Variants in EBF1 observed in about 807,000 individuals in gnomAD.
EBF1 encodes the protein EBF transcription factor 1.
EBF1 carries 10 observed loss-of-function variants against 68.4 expected under a neutral mutation model. That is an observed-to-expected ratio of 0.15 (90% confidence interval 0.09 to 0.25). The LOEUF is 0.25. Ranked by LOEUF, EBF1 falls within the 10% of genes least tolerant of loss-of-function variation. The pLI, the probability that EBF1 is intolerant of heterozygous loss-of-function variation, is 1.00. For synonymous variants in EBF1, 298 were observed against 299.8 expected (o/e 0.99, Z 0.06); for missense variants, 509 against 794.4 (o/e 0.64, Z 4.32).
In EBF1 at chr5:158,822,250, TTGGATGGACGGATGGACGGA is replaced by T. The variant is rs1351049577; in HGVS notation, c.778+906_778+925del. Among the ~76,000 whole-genome samples the T allele has an allele frequency of 3.4e-5, 5 of 147,956 alleles. No homozygotes were observed. The East Asian group carries it at 6.0e-4, about 18-fold the overall frequency. The stretch of plus-strand genomic sequence containing the variant: ...CCAGCAGAGCCTCAGTCACTCATTC[TTGGATGGACGGATGGACGGA>T]TGGATGGATGGATGGATGGATGGAT... On this transcript the variant is annotated intron_variant, in intron 8 of 15. Coordinates refer to ENST00000313708, the MANE Select transcript of EBF1 (RefSeq NM_024007.5).
At chr5:158,837,774 T>C (rs539004952) in intron 7 of EBF1, among the ~76,000 whole-genome samples, 1 of 152,280 alleles carries the variant, frequency 6.6e-6, no homozygotes, top group East Asian at 1.9e-4. Flanking sequence ...GTTCCCAGTG[T>C]CATCAAAGTC....
chr5:158,812,098 A>G (rs1490570854), intron 8 of EBF1, among the ~76,000 whole-genome samples: 1 of 152,194 alleles, frequency 6.6e-6, no homozygotes, highest in Non-Finnish European at 1.5e-5. Flanking sequence ...GTGACAGTCT[A>G]CGTCATAATG....
intron 6 of EBF1, among the ~76,000 whole-genome samples, chr5:158,941,449 C>G (rs145282227): frequency 1.3e-5 from 2 of 152,156 alleles, no homozygotes; most frequent in Non-Finnish European, 2.9e-5. Context: ...TGTCCTCCTC[C>G]TAAACACACT....
At chr5:158,869,215 T>G (rs894754616) in intron 6 of EBF1, among the ~76,000 whole-genome samples, 4 of 152,128 alleles carry the variant, frequency 2.6e-5, no homozygotes, top group African/African-American at 9.7e-5. Context: ...TATAAAGATA[T>G]CAACCCAGGA....
At chr5:158,864,344 T>C (rs980561135) in intron 6 of EBF1, among the ~76,000 whole-genome samples, 6 of 152,198 alleles carry the variant, frequency 3.9e-5, no homozygotes, top group African/African-American at 1.4e-4. Context: ...CAAATAGTCT[T>C]GTCTTTCTTA....
intron 6 of EBF1, among the ~76,000 whole-genome samples, chr5:158,894,719 T>A (rs1241880772): frequency 6.6e-6 from 1 of 152,176 alleles, no homozygotes; most frequent in Non-Finnish European, 1.5e-5. Context: ...CCTGGACAGG[T>A]AATCCAACGT....
chr5:158,954,875 T>C (rs1202885603), intron 6 of EBF1, among the ~76,000 whole-genome samples: 2 of 152,196 alleles, frequency 1.3e-5, no homozygotes, highest in African/African-American at 4.8e-5. Context: ...CATTTTTCTC[T>C]AGGACTTACG....
intron 9 of EBF1, among the ~76,000 whole-genome samples, chr5:158,791,582 T>A (rs191452348): frequency 3.3e-5 from 5 of 152,066 alleles, no homozygotes; most frequent in African/African-American, 1.2e-4. Context: ...CATTGTACTT[T>A]TTTTTTTAAT....
At chr5:158,856,040 A>G (rs898052295) in intron 6 of EBF1, among the ~76,000 whole-genome samples, 9 of 152,242 alleles carry the variant, frequency 5.9e-5, no homozygotes, top group East Asian at 1.9e-4. Flanking sequence ...CAAAGTAGAG[A>G]GTCTTCAAAT....
At chr5:158,709,582 G>A (rs1473060800) in intron 14 of EBF1, among the ~76,000 whole-genome samples, 1 of 152,210 alleles carries the variant, frequency 6.6e-6, no homozygotes, top group Non-Finnish European at 1.5e-5. Context: ...ATTGGTCATA[G>A]GCAACAATTG....
intron 6 of EBF1, among the ~76,000 whole-genome samples, chr5:158,912,789 A>G (rs1329932082): frequency 6.6e-6 from 1 of 152,092 alleles, no homozygotes; most frequent in Non-Finnish European, 1.5e-5. Flanking sequence ...TTTATACATC[A>G]CTTGTATTCC....
chr5:158,986,735 T>C (rs1759167192), intron 6 of EBF1: 1 of 152,216 alleles, frequency 6.6e-6, no homozygotes, highest in East Asian at 1.9e-4. Flanking sequence ...CCTAAGAATT[T>C]AATCTCTATC....
chr5:158,757,465 C>T (rs1319130846), intron 10 of EBF1, among the ~76,000 whole-genome samples: 1 of 152,160 alleles, frequency 6.6e-6, no homozygotes, highest in Admixed American at 6.5e-5. Context: ...GGATTATGCA[C>T]ATCTTTGCAC....
At chr5:158,897,578 T>TA (rs897018920) in intron 6 of EBF1, among the ~76,000 whole-genome samples, 1,816 of 147,284 alleles carry the variant, frequency 0.012, 16 homozygotes, top group Non-Finnish European at 0.02. Context: ...ACTTAAACGT[T>TA]AAAAAAAAAA....
intron 6 of EBF1, among the ~76,000 whole-genome samples, chr5:159,029,273 T>G (rs764065453): frequency 1.3e-5 from 2 of 152,200 alleles, no homozygotes; most frequent in Non-Finnish European, 2.9e-5. Flanking sequence ...GGCAAAGATT[T>G]GAATAAGTGG....
intron 6 of EBF1, among the ~76,000 whole-genome samples, chr5:158,958,229 T>C (rs1029923829): frequency 3.3e-5 from 5 of 152,118 alleles, no homozygotes; most frequent in Non-Finnish European, 5.9e-5. Context: ...GGATCCTCTT[T>C]TACAATAGAA....
intron 6 of EBF1, among the ~76,000 whole-genome samples, chr5:159,069,813 C>T (rs151024204): frequency 1.3e-3 from 202 of 152,142 alleles, no homozygotes; most frequent in African/African-American, 4.5e-3. Context: ...TTAATAAACT[C>T]GTTGAAATGG....
Position 159,099,661 on chromosome 5 carries a change from T to C in EBF1, c.-183A>G. On this transcript the variant is annotated 5_prime_UTR_variant, in exon 1 of 16. Transcript: ENST00000313708. The stretch of plus-strand genomic sequence containing the variant: ...GGCTGGAAAGCAAATTTTTAAAAAA[T>C]GTAAACCTCTGCTCAAAACTGAGCG... 4.5e-6 allele frequency: 3 copies of C among 671,856 alleles called. No individual in the cohort carries two copies. The allele number at this position is 671,856 out of a possible 1,614,324, so 41.6% of individuals were successfully genotyped here. A position where few individuals can be genotyped will look rare whatever the true frequency, so the allele number is the denominator to read the frequency against.
chr5:159,041,398 G>A (rs895214714), intron 6 of EBF1, among the ~76,000 whole-genome samples: 1 of 152,012 alleles, frequency 6.6e-6, no homozygotes, highest in Non-Finnish European at 1.5e-5. Context: ...TGGCTTTAAG[G>A]GAATATATAT....
Sources: allele counts gnomAD v4.1 joint callset (sites outside exome capture counted in the v4.1 genomes callset), GRCh38; gene constraint gnomAD v4.1.1; transcripts MANE v1.5; gene names NCBI Gene and HGNC (gene_info 2026-07-23, HGNC 2026-07-21).